Variants in NOL4 observed in about 807,000 individuals in gnomAD.
The protein encoded by NOL4 is nucleolar protein 4, also known as cancer/testis antigen 125.
Under a neutral mutation model 75.9 loss-of-function variants are expected in NOL4, and 17 were observed. That is an observed-to-expected ratio of 0.22 (90% CI 0.15 to 0.34). The LOEUF is 0.34. Ranked by LOEUF, NOL4 falls within the 10% of genes least tolerant of loss-of-function variation. The pLI is 1.00. For synonymous variants in NOL4, 292 were observed against 289.9 expected (o/e 1.01, Z -0.07); for missense variants, 614 against 793.5 (o/e 0.77, Z 2.72).
chr18:33,978,777 T>C (rs2071707993), intron 6 of NOL4, among the ~76,000 whole-genome samples: 1 of 151,844 alleles, frequency 6.6e-6, no homozygotes, highest in Admixed American at 6.6e-5. Flanking sequence ...TCTAATATAA[T>C]ATAAATGCTA....
chr18:33,952,876 G>A (rs1244509109), intron 8 of NOL4, among the ~76,000 whole-genome samples: 5 of 152,240 alleles, frequency 3.3e-5, no homozygotes, highest in African/African-American at 4.8e-5. Context: ...GTGAGCTGAG[G>A]TCATGCCATT....
At chr18:34,143,046 AAATT>A (rs1303121339) in intron 1 of NOL4, among the ~76,000 whole-genome samples, 1 of 151,988 alleles carries the variant, frequency 6.6e-6, no homozygotes, top group African/African-American at 2.4e-5. Flanking sequence ...AAGGATGTAA[AAATT>A]AATAAAACGA....
chr18:34,023,325 C>T, intron 5 of NOL4: 1 of 419,556 alleles, frequency 2.4e-6, no homozygotes, highest in Non-Finnish European at 4.9e-6. Context: ...CATTTTTATT[C>T]TCTTTCCCTC....
intron 6 of NOL4, among the ~76,000 whole-genome samples, chr18:33,972,026 G>T (rs1431936056): frequency 6.6e-6 from 1 of 151,834 alleles, no homozygotes; most frequent in Non-Finnish European, 1.5e-5. Flanking sequence ...AATTAGCTGG[G>T]CGTGGTGGGC....
At chr18:34,163,334 A>G (rs1201846423) in intron 1 of NOL4, among the ~76,000 whole-genome samples, 1 of 151,646 alleles carries the variant, frequency 6.6e-6, no homozygotes, top group Non-Finnish European at 1.5e-5. Context: ...TTGTATATCT[A>G]GAAAACCCCA....
At chr18:34,118,278 C>T (rs2079957002) in intron 2 of NOL4, among the ~76,000 whole-genome samples, 1 of 152,134 alleles carries the variant, frequency 6.6e-6, no homozygotes, top group African/African-American at 2.4e-5. Context: ...AAACTTCTGA[C>T]ATTTTCTCTT....
chr18:34,016,348 T>C (rs1005727196), intron 6 of NOL4, among the ~76,000 whole-genome samples: 1 of 152,084 alleles, frequency 6.6e-6, no homozygotes, highest in African/African-American at 2.4e-5. Flanking sequence ...ACCAAAACGT[T>C]GCCAGAATAA....
chr18:34,053,317 A>C (rs980080112), intron 5 of NOL4, among the ~76,000 whole-genome samples: 2 of 152,002 alleles, frequency 1.3e-5, no homozygotes, highest in Non-Finnish European at 2.9e-5. Flanking sequence ...GTTGAAAAAA[A>C]AATACAGTAG....
Position 33,928,014 on chromosome 18 carries a change from T to C in NOL4, c.1542+15051A>G, listed in dbSNP as rs80284724. ...TATATTGTTGTTTCACAGTAACTAA[T>C]GGGTTTTAAAGTGGACAGATTGAGG... On this transcript the variant is annotated intron_variant, in intron 9 of 10. Transcript: ENST00000261592. Among the ~76,000 whole-genome samples the C allele has an allele frequency of 9.4e-3, 1,434 of 152,276 alleles. 26 individuals carry two copies. Among genetic ancestry groups the C allele is most frequent in the African/African-American group, 0.033 (1,378 of 41,558 alleles).
chr18:34,184,319 A>G (rs1192645381), intron 1 of NOL4, among the ~76,000 whole-genome samples: 1 of 151,990 alleles, frequency 6.6e-6, no homozygotes, highest in Non-Finnish European at 1.5e-5. Context: ...TATTTTATAT[A>G]TAATAACATG....
intron 9 of NOL4, among the ~76,000 whole-genome samples, chr18:33,886,771 CTA>C (rs138280712): frequency 0.12 from 16,525 of 137,322 alleles, 1,054 homozygotes; most frequent in Non-Finnish European, 0.16. Context: ...ATAGATATAT[CTA>C]TATATATATA....
intron 2 of NOL4, among the ~76,000 whole-genome samples, chr18:34,108,200 G>C (rs1479283334): frequency 6.6e-6 from 1 of 152,066 alleles, no homozygotes; most frequent in Non-Finnish European, 1.5e-5. Context: ...AATTCTGTAA[G>C]TAGATATGCA....
At chr18:33,891,321 C>T (rs903603631) in intron 9 of NOL4, among the ~76,000 whole-genome samples, 8 of 152,072 alleles carry the variant, frequency 5.3e-5, no homozygotes. Context: ...TATAAATATG[C>T]TTTCATGTCC....
chr18:34,187,871 A>T (rs1402878460), intron 1 of NOL4, among the ~76,000 whole-genome samples: 2 of 152,122 alleles, frequency 1.3e-5, no homozygotes, highest in African/African-American at 4.8e-5. Flanking sequence ...TGATTGCAGG[A>T]TTCTGTTTTA....
At chr18:33,854,507 G>A (rs960954653) in intron 10 of NOL4, among the ~76,000 whole-genome samples, 3 of 152,038 alleles carry the variant, frequency 2.0e-5, no homozygotes, top group African/African-American at 7.2e-5. Flanking sequence ...TTTGCAAACA[G>A]AAGTTACTGA....
rs773801401 is a variant in NOL4, at chr18:34,223,277, C to A, written c.-24G>T. ...ATGTTCCCCGCGCTCGGCCGCTGGC[C>A]GGATGCTCCCAGCGCACTTCGCACC... On this transcript the variant is annotated 5_prime_UTR_variant, in exon 1 of 11. Coordinates refer to ENST00000261592, the MANE Select transcript of NOL4 (RefSeq NM_003787.5). The A allele has an allele frequency of 4.3e-6, 7 of 1,609,674 alleles. No homozygotes were observed. Among genetic ancestry groups the A allele is most frequent in the Non-Finnish European group, 8.5e-7 (1 of 1,178,982 alleles).
intron 6 of NOL4, among the ~76,000 whole-genome samples, chr18:33,966,327 C>T (rs1226132204): frequency 1.3e-5 from 2 of 151,968 alleles, no homozygotes; most frequent in African/African-American, 2.4e-5. Context: ...ATGACAGGCC[C>T]ACAGCAAAAA....
At chr18:34,090,044 C>A (rs2078437749) in intron 5 of NOL4, among the ~76,000 whole-genome samples, 1 of 151,756 alleles carries the variant, frequency 6.6e-6, no homozygotes, top group Non-Finnish European at 1.5e-5. Context: ...TGACATAATT[C>A]TAGGTTTTTG....
At chr18:34,024,742 T>C (rs975196844) in intron 5 of NOL4, among the ~76,000 whole-genome samples, 1 of 152,192 alleles carries the variant, frequency 6.6e-6, no homozygotes, top group Non-Finnish European at 1.5e-5. Context: ...ATACATAGTA[T>C]ATTTCGAATA....
Sources: allele counts gnomAD v4.1 joint callset (sites outside exome capture counted in the v4.1 genomes callset), GRCh38; gene constraint gnomAD v4.1.1; transcripts MANE v1.5; gene names NCBI Gene and HGNC (gene_info 2026-07-23, HGNC 2026-07-21).